Variants in ZNF695 observed in about 807,000 individuals in gnomAD.
ZNF695 encodes the protein zinc finger protein SBZF3.
In ZNF695, 11 loss-of-function variants were observed where a neutral mutation model predicts 11.2. That is an observed-to-expected ratio of 0.98 (90% CI 0.62 to 1.62). The LOEUF (loss-of-function observed/expected upper bound fraction) is 1.62. ZNF695 is among the 40% of genes most tolerant of loss of function. The pLI is 0.00. For missense variants in ZNF695, 559 were observed against 590.5 expected, an observed-to-expected ratio of 0.95 and a Z score of 0.55; for synonymous variants, 190 against 201.4, an observed-to-expected ratio of 0.94 and a Z score of 0.48.
At chr1:246,989,772 C>G (rs974733899) in intron 3 of ZNF695, among the ~76,000 whole-genome samples, 1 of 152,164 alleles carries the variant, frequency 6.6e-6, no homozygotes, top group African/African-American at 2.4e-5. Context: ...AATCCCAGCT[C>G]TTTGGGAGGC....
intron 1 of ZNF695, among the ~76,000 whole-genome samples, chr1:247,002,451 G>C (rs762904879): frequency 6.6e-6 from 1 of 152,134 alleles, no homozygotes; most frequent in Non-Finnish European, 1.5e-5. Context: ...AGATGAACTA[G>C]AAAACCAAGA....
chr1:246,980,196 A>C (rs979443664), intron 4 of ZNF695, among the ~76,000 whole-genome samples: 12 of 150,932 alleles, frequency 8.0e-5, no homozygotes, highest in Admixed American at 2.0e-4. Context: ...AAAAAAAAAA[A>C]AAAAAAAACT....
In ZNF695 at chr1:246,967,793, CT is replaced by C. The variant is rs1381992066; in HGVS notation, c.391-2del. 2 of 349,990 alleles carry C rather than the reference CT, an allele frequency of 5.7e-6. No homozygotes were observed. The highest frequency in any genetic ancestry group is 1.1e-5 in the Non-Finnish European group (2 of 177,012). The allele number at this position is 349,990 out of a possible 1,614,324, so 21.7% of individuals were successfully genotyped here. ...GGGAAGCAAGCACATCTTCACATGGCTGGCAGGAGAGAGAGAGCAAAGGGGG... is the reference window on the plus strand; with the variant it reads ...GGGAAGCAAGCACATCTTCACATGGCGGCAGGAGAGAGAGAGCAAAGGGGG... On this transcript the variant is annotated splice_acceptor_variant, in intron 4 of 5. Coordinates refer to the ZNF695 transcript ENST00000487338. LOFTEE classifies it high-confidence loss of function.
intron 5 of ZNF695, among the ~76,000 whole-genome samples, chr1:246,948,839 C>G (rs901601612): frequency 3.9e-5 from 6 of 152,160 alleles, no homozygotes; most frequent in Non-Finnish European, 8.8e-5. Context: ...TCTGAAGACC[C>G]TAAGCCTTGC....
Position 246,986,241 on chromosome 1 carries a change from T to C in ZNF695, c.*726A>G, listed in dbSNP as rs1035003233. 7.1e-6 allele frequency: 4 copies of C among 564,148 alleles called. No individual in the cohort carries two copies. The highest frequency in any genetic ancestry group is 1.5e-4 in the East Asian group (1 of 6,860). The allele number at this position is 564,148 out of a possible 1,614,324, so 34.9% of individuals were successfully genotyped here. On this transcript the variant is annotated 3_prime_UTR_variant, in exon 4 of 4. Transcript: ENST00000339986. ...GTGCCACCAAGCCTGGCTTTTATTT[T>C]ACTTTTTGTAGAGATGAGGTTTTGC...
At chr1:247,001,590 G>C (rs925713032) in intron 1 of ZNF695, among the ~76,000 whole-genome samples, 1 of 151,298 alleles carries the variant, frequency 6.6e-6, no homozygotes, top group African/African-American at 2.4e-5. Context: ...GCGGGCGCCT[G>C]TAATCCCAGC....
At chr1:246,996,062 T>C (rs1290538662) in intron 3 of ZNF695, 2 of 450,998 alleles carry the variant, frequency 4.4e-6, no homozygotes, top group African/African-American at 2.0e-5. Context: ...AATACACAAA[T>C]AGGCTGGCAG....
At chr1:246,953,435 C>T (rs941966596) in intron 5 of ZNF695, among the ~76,000 whole-genome samples, 10 of 151,588 alleles carry the variant, frequency 6.6e-5, no homozygotes, top group Admixed American at 4.6e-4. Context: ...GGTGATACCC[C>T]GCATCTAGTA....
In ZNF695 at chr1:246,963,547, G is replaced by T. The variant is rs75893330; in HGVS notation, c.488+4148C>A. 3.3e-5 allele frequency among the ~76,000 whole-genome samples: 5 copies of T among 152,296 alleles called. No homozygotes were observed. The East Asian group carries it at 9.6e-4, about 29-fold the overall frequency. On this transcript the variant is annotated intron_variant, in intron 5 of 5. Coordinates refer to the ZNF695 transcript ENST00000487338. ...AAGCGAACAAACAAGTAAATTCTAC[G>T]CTAGATGACAAGACAAGTGCTATGG...
Position 246,985,710 on chromosome 1 carries a change from T to G in ZNF695, c.*1257A>C, listed in dbSNP as rs904425934. The G allele has an allele frequency of 2.0e-6, 2 of 985,270 alleles. No homozygotes were observed. Among genetic ancestry groups the G allele is most frequent in the Non-Finnish European group, 2.4e-6 (2 of 829,884 alleles). The allele number at this position is 985,270 out of a possible 1,614,324, so 61.0% of individuals were successfully genotyped here. On this transcript the variant is annotated 3_prime_UTR_variant, in exon 4 of 4. Coordinates refer to ENST00000339986, the MANE Select transcript of ZNF695 (RefSeq NM_020394.5). Reference sequence around the variant, plus strand: ...TGTGCAATAGGAAAAACAACTGACTTGTAAAACTCAAATGTTTCTTTCTTA... The same window carrying G: ...TGTGCAATAGGAAAAACAACTGACTGGTAAAACTCAAATGTTTCTTTCTTA...
intron 5 of ZNF695, among the ~76,000 whole-genome samples, chr1:246,964,217 T>C (rs773604368): frequency 5.9e-5 from 9 of 152,018 alleles, no homozygotes; most frequent in Non-Finnish European, 1.0e-4. Context: ...CTTCATCACA[T>C]AGGCACCACC....
chr1:246,973,582 A>G (rs1388127752), intron 4 of ZNF695, among the ~76,000 whole-genome samples: 1 of 152,196 alleles, frequency 6.6e-6, no homozygotes, highest in East Asian at 1.9e-4. Context: ...AATGATTACC[A>G]CAGACTTTGT....
At chr1:246,981,514 T>C (rs1668711415), downstream of ZNF695, among the ~76,000 whole-genome samples, 1 of 152,226 alleles carries the variant, frequency 6.6e-6, no homozygotes, top group Non-Finnish European at 1.5e-5. Flanking sequence ...GTCTTTCTCA[T>C]AAACTCAGTG....
chr1:246,974,625 T>C (rs191394251), intron 4 of ZNF695, among the ~76,000 whole-genome samples: 4 of 152,240 alleles, frequency 2.6e-5, no homozygotes, highest in Non-Finnish European at 2.9e-5. Context: ...GTGGGCATAA[T>C]GGAAGAGTAA....
At chr1:246,979,701 T>C (rs997887012) in intron 4 of ZNF695, 3 of 147,554 alleles carry the variant, frequency 2.0e-5, no homozygotes, top group African/African-American at 4.9e-5. Flanking sequence ...GGCAATCTTT[T>C]TGTTTCACAT....
chr1:246,989,517 A>C (rs1019266983), intron 3 of ZNF695, among the ~76,000 whole-genome samples: 3 of 151,782 alleles, frequency 2.0e-5, no homozygotes, highest in Admixed American at 2.0e-4. Context: ...AAATCATATC[A>C]CCAGAGAAAA....
chr1:246,990,637 T>C (rs1165508144), intron 3 of ZNF695, among the ~76,000 whole-genome samples: 1 of 152,228 alleles, frequency 6.6e-6, no homozygotes, highest in Admixed American at 6.5e-5. Context: ...TTGCAGAACG[T>C]TTCATGCAAC....
At chr1:247,004,236 A>G (rs1669473365) in intron 1 of ZNF695, among the ~76,000 whole-genome samples, 1 of 152,076 alleles carries the variant, frequency 6.6e-6, no homozygotes. Context: ...AAAAAAGATC[A>G]CTCATGATGA....
chr1:246,999,910 A>C lies in ZNF695; in HGVS notation c.166+2T>G. Reference sequence around the variant, plus strand: ...TACAAAGGAAAAAGATGAAATCCTTACTGTGAAATAGGAATTGCATATTGA... The same window carrying C: ...TACAAAGGAAAAAGATGAAATCCTTCCTGTGAAATAGGAATTGCATATTGA... On this transcript the variant is annotated splice_donor_variant, in intron 2 of 3. Coordinates refer to ENST00000339986, the MANE Select transcript of ZNF695 (RefSeq NM_020394.5). LOFTEE classifies it high-confidence loss of function. The C allele has an allele frequency of 4.3e-6, 7 of 1,613,630 alleles. No individual in the cohort carries two copies. Among genetic ancestry groups the C allele is most frequent in the Non-Finnish European group, 5.9e-6 (7 of 1,179,732 alleles).
Sources: allele counts gnomAD v4.1 joint callset (sites outside exome capture counted in the v4.1 genomes callset), GRCh38; gene constraint gnomAD v4.1.1; transcripts MANE v1.5; gene names NCBI Gene and HGNC (gene_info 2026-07-23, HGNC 2026-07-21).